The following PBLD variants were observed in gnomAD, a reference collection of about 807,000 sequenced individuals.
The protein encoded by PBLD is phenazine biosynthesis like protein domain containing, also known as phenazine biosynthesis-like domain-containing protein.
A neutral mutation model predicts 31.3 loss-of-function variants in PBLD; 26 were observed. The ratio of observed to expected loss-of-function variants is 0.83; its 90% CI spans 0.61 to 1.15. The LOEUF is 1.15. Ranked by LOEUF, PBLD falls within the 50% of genes most tolerant of loss-of-function variation. The probability of loss-of-function intolerance (pLI) is 0.00; values close to 1 mark genes in which losing one functional copy is unlikely to be tolerated. For synonymous variants in PBLD, 114 were observed against 129.0 expected, an observed-to-expected ratio of 0.88 and a Z score of 0.79; for missense variants, 307 against 351.7, an observed-to-expected ratio of 0.87 and a Z score of 1.02.
chr10:68,294,746 G>A (rs1394655138), intron 4 of PBLD, among the ~76,000 whole-genome samples: 1 of 151,722 alleles, frequency 6.6e-6, no homozygotes, highest in African/African-American at 2.4e-5. Context: ...TCTTTTCCTC[G>A]AGGTGGAGTC....
At chr10:68,330,561 G>A (rs1220055273) in intron 1 of PBLD, among the ~76,000 whole-genome samples, 2 of 152,084 alleles carry the variant, frequency 1.3e-5, no homozygotes, top group African/African-American at 4.8e-5. Context: ...GGGAAAGGGA[G>A]GTGGGACGGA....
At chr10:68,289,506 T>G (rs2044330027) in intron 6 of PBLD, among the ~76,000 whole-genome samples, 2 of 151,950 alleles carry the variant, frequency 1.3e-5, no homozygotes, top group Admixed American at 6.6e-5. Flanking sequence ...ATCGCACCAC[T>G]GCACTCCAGC....
intron 2 of PBLD, among the ~76,000 whole-genome samples, chr10:68,305,803 G>A (rs1367357895): frequency 6.6e-6 from 1 of 152,026 alleles, no homozygotes; most frequent in Non-Finnish European, 1.5e-5. Flanking sequence ...AACTCCCAGA[G>A]AGCCTGTTGT....
intron 1 of PBLD, among the ~76,000 whole-genome samples, chr10:68,312,626 T>C (rs1265811823): frequency 9.4e-6 from 1 of 106,446 alleles, no homozygotes; most frequent in Non-Finnish European, 1.9e-5. Flanking sequence ...TTTTTTTTTT[T>C]TGAGACAGAG....
At chr10:68,324,853 T>C (rs1457187319) in intron 1 of PBLD, among the ~76,000 whole-genome samples, 3 of 149,602 alleles carry the variant, frequency 2.0e-5, no homozygotes, top group Non-Finnish European at 3.0e-5. Flanking sequence ...TGACCTCAAA[T>C]GATCCACATG....
chr10:68,316,680 C>G (rs1393193774), intron 1 of PBLD, among the ~76,000 whole-genome samples: 1 of 152,136 alleles, frequency 6.6e-6, no homozygotes, highest in Non-Finnish European at 1.5e-5. Flanking sequence ...CTCAAAGAGA[C>G]AAACACCTAG....
intron 8 of PBLD, among the ~76,000 whole-genome samples, chr10:68,286,321 CAA>C (rs1398881931): frequency 6.6e-6 from 1 of 151,892 alleles, no homozygotes; most frequent in African/African-American, 2.4e-5. Flanking sequence ...CTCCTGACTT[CAA>C]GTGATGCACC....
chr10:68,292,009 C>G lies in PBLD; in HGVS notation c.423+1G>C. On this transcript the variant is annotated splice_donor_variant, in intron 6 of 9. Coordinates refer to ENST00000358769, the MANE Select transcript of PBLD (RefSeq NM_022129.4). LOFTEE classifies it high-confidence loss of function. Reference sequence around the variant, plus strand: ...GCTCAGGTTTGATTCTTTTTACCAACCTTTATCAAGTCCTCTACTTCATGG... The same window carrying G: ...GCTCAGGTTTGATTCTTTTTACCAAGCTTTATCAAGTCCTCTACTTCATGG... 1.3e-6 allele frequency: 2 copies of G among 1,584,504 alleles called. No homozygotes were observed. The highest frequency in any genetic ancestry group is 1.7e-6 in the Non-Finnish European group (2 of 1,153,142).
chr10:68,329,467 AAGG>A (rs1163119761), intron 1 of PBLD, among the ~76,000 whole-genome samples: 2 of 152,264 alleles, frequency 1.3e-5, no homozygotes, highest in Non-Finnish European at 2.9e-5. Context: ...GCAAGGAGTG[AAGG>A]AGATTACAGA....
intron 3 of PBLD, 33 bp from the exon 4 acceptor site, chr10:68,296,397 T>C (rs1462374720): frequency 6.7e-7 from 1 of 1,484,836 alleles, no homozygotes; most frequent in African/African-American, 1.4e-5. Flanking sequence ...AGAGATGAGA[T>C]CATTCCCATG....
chr10:68,303,055 ATTATTTATTTAT>A (rs10535286), intron 2 of PBLD, among the ~76,000 whole-genome samples: 2 of 149,546 alleles, frequency 1.3e-5, no homozygotes, highest in African/African-American at 2.5e-5. Flanking sequence ...GACACCATCA[ATTATTTATTTAT>A]TTATTTATTT....
At chr10:68,285,223 C>A (rs776536642) in intron 9 of PBLD, 125 bp downstream of exon 9, 11 of 1,555,070 alleles carry the variant, frequency 7.1e-6, no homozygotes, top group African/African-American at 4.1e-5. Context: ...AATTTTAAAA[C>A]CTTTCATTTT....
intron 1 of PBLD, among the ~76,000 whole-genome samples, chr10:68,307,571 C>T (rs1318024808): frequency 5.3e-5 from 8 of 152,056 alleles, no homozygotes; most frequent in African/African-American, 7.2e-5. Context: ...ATGATCTTGG[C>T]TCACTGCAAG....
chr10:68,321,837 A>G (rs2044839158), intron 1 of PBLD, among the ~76,000 whole-genome samples: 1 of 152,238 alleles, frequency 6.6e-6, no homozygotes, highest in South Asian at 2.1e-4. Context: ...GATAAAATTA[A>G]TATCCATAAC....
At chr10:68,311,700 C>T (rs1314923191) in intron 1 of PBLD, among the ~76,000 whole-genome samples, 8 of 138,684 alleles carry the variant, frequency 5.8e-5, no homozygotes, top group Admixed American at 8.3e-5. Flanking sequence ...AGCAGTGAGC[C>T]GAGATCATGC....
chr10:68,308,873 T>TGTGTGC (rs1397005382), intron 1 of PBLD, among the ~76,000 whole-genome samples: 12 of 149,784 alleles, frequency 8.0e-5, no homozygotes, highest in Admixed American at 2.0e-4. Context: ...TGTGTGTGTG[T>TGTGTGC]GTGTGTGTTT....
intron 1 of PBLD, among the ~76,000 whole-genome samples, chr10:68,320,854 G>C (rs2134532657): frequency 6.9e-6 from 1 of 144,340 alleles, no homozygotes; most frequent in South Asian, 2.2e-4. Flanking sequence ...GTCTCGCTCT[G>C]TTGCCCAGGC....
chr10:68,324,846 C>A (rs1376657121), intron 1 of PBLD, among the ~76,000 whole-genome samples: 8 of 148,588 alleles, frequency 5.4e-5, no homozygotes, highest in African/African-American at 2.0e-4. Context: ...GAACTCCTGA[C>A]CTCAAATGAT....
At chr10:68,332,170 A>C (rs2134599636) in intron 1 of PBLD, 1 of 152,404 alleles carries the variant, frequency 6.6e-6, no homozygotes, top group Admixed American at 6.5e-5. Context: ...CCTTCTTTGA[A>C]CTGGACCCCG....
Sources: allele counts gnomAD v4.1 joint callset (sites outside exome capture counted in the v4.1 genomes callset), GRCh38; gene constraint gnomAD v4.1.1; transcripts MANE v1.5; gene names NCBI Gene and HGNC (gene_info 2026-07-23, HGNC 2026-07-21).